Variants in RMST observed in about 807,000 individuals in gnomAD.
The protein encoded by RMST is rhabdomyosarcoma 2 associated transcript.
chr12:97,557,359 C>T (rs1198805873), intron 11 of RMST, among the ~76,000 whole-genome samples: 1 of 152,058 alleles, frequency 6.6e-6, no homozygotes, highest in Non-Finnish European at 1.5e-5. Flanking sequence ...TGTATGTCTG[C>T]ATGTATGTGT....
At chr12:97,529,008 C>T (rs914345023) in intron 10 of RMST, among the ~76,000 whole-genome samples, 2 of 151,952 alleles carry the variant, frequency 1.3e-5, no homozygotes, top group African/African-American at 2.4e-5. Context: ...TGACTCATTT[C>T]TTACTATCAG....
At chr12:97,478,958 G>T (rs139128688) in intron 5 of RMST, among the ~76,000 whole-genome samples, 2 of 151,886 alleles carry the variant, frequency 1.3e-5, no homozygotes, top group Non-Finnish European at 2.9e-5. Context: ...GTTGGCACTC[G>T]GGCACCAGTG....
chr12:97,474,356 G>A (rs11109049), intron 5 of RMST, among the ~76,000 whole-genome samples: 16,779 of 152,018 alleles, frequency 0.11, 1,090 homozygotes, highest in East Asian at 0.16. Flanking sequence ...AATGCCTTTC[G>A]TGCTCCCAAA....
At chr12:97,477,223 T>G (rs1593132841) in intron 5 of RMST, among the ~76,000 whole-genome samples, 1 of 152,042 alleles carries the variant, frequency 6.6e-6, no homozygotes, top group East Asian at 1.9e-4. Flanking sequence ...GCCAGCAATA[T>G]AAAATATCAA....
chr12:97,550,491 C>G (rs956745574), intron 11 of RMST, among the ~76,000 whole-genome samples: 2 of 152,122 alleles, frequency 1.3e-5, no homozygotes, highest in African/African-American at 2.4e-5. Flanking sequence ...AACAATCCAA[C>G]ATGAACTTGC....
At position 97,517,280 on chromosome 12, in the gene RMST, A is replaced by G. The variant is rs545713180; in HGVS notation, n.1341-13375A>G. 4.6e-5 allele frequency among the ~76,000 whole-genome samples: 7 copies of G among 152,024 alleles called. No homozygotes were observed. The South Asian group carries it at 1.0e-3, about 23-fold the overall frequency. ...CTTCACACCATCTTCAAGTGGCACT[A>G]TTTTCCCAAGTTATTTAAAATCTTG... is the stretch of plus-strand genomic sequence containing the variant. On this transcript the variant is annotated intron_variant and non_coding_transcript_variant, in intron 10 of 13. Coordinates refer to ENST00000640149, the Ensembl canonical transcript of RMST.
intron 13 of RMST, chr12:97,564,089 A>G: frequency 3.0e-6 from 1 of 333,958 alleles, no homozygotes; most frequent in South Asian, 2.5e-5. Context: ...ATTGATTAAC[A>G]TGCACATTTG....
chr12:97,502,117 G>GT lies in RMST; in HGVS notation n.1340+6062dup, dbSNP rs573655783. On this transcript the variant is annotated intron_variant and non_coding_transcript_variant, in intron 10 of 13. Transcript: ENST00000640149. ...AGGACTTTTTCTGCAATCAGTGGAG[G>GT]TAAAAATAGTGGCAGAAAGTAGAAA... is the stretch of plus-strand genomic sequence containing the variant. Among the ~76,000 whole-genome samples, 18 of 152,226 alleles carry GT rather than the reference G, an allele frequency of 1.2e-4. No individual in the cohort carries two copies. In the South Asian group the frequency reaches 3.5e-3, roughly 30 times the overall value.
intron 4 of RMST, chr12:97,465,603 T>G (rs745422956): frequency 6.6e-6 from 1 of 152,142 alleles, no homozygotes; most frequent in Non-Finnish European, 1.5e-5. Context: ...TCGAGTGAGA[T>G]TGTGGCTTTG....
At chr12:97,508,884 C>T (rs546273453) in intron 10 of RMST, among the ~76,000 whole-genome samples, 1 of 152,208 alleles carries the variant, frequency 6.6e-6, no homozygotes, top group African/African-American at 2.4e-5. Flanking sequence ...CTTTTTACTA[C>T]AATCGTGGAG....
intron 10 of RMST, among the ~76,000 whole-genome samples, chr12:97,523,598 A>G (rs1271319826): frequency 6.6e-6 from 1 of 152,248 alleles, no homozygotes; most frequent in Non-Finnish European, 1.5e-5. Context: ...TAGTTATTAC[A>G]TGTGAATTAA....
chr12:97,519,437 C>T (rs183454130), intron 10 of RMST, among the ~76,000 whole-genome samples: 4 of 152,298 alleles, frequency 2.6e-5, no homozygotes, highest in Non-Finnish European at 2.9e-5. Context: ...AAAGCTAATG[C>T]TTACCATTTG....
chr12:97,511,439 CTCTT>C (rs1879283538), intron 10 of RMST, among the ~76,000 whole-genome samples: 1 of 152,158 alleles, frequency 6.6e-6, no homozygotes, highest in African/African-American at 2.4e-5. Flanking sequence ...GCCTGTACTT[CTCTT>C]TATTAGAGCA....
chr12:97,481,354 G>A (rs560042836), intron 5 of RMST, among the ~76,000 whole-genome samples: 27 of 152,168 alleles, frequency 1.8e-4, no homozygotes, highest in African/African-American at 4.8e-4. Context: ...TCTGTTTCCA[G>A]AACAATCCTC....
intron 11 of RMST, among the ~76,000 whole-genome samples, chr12:97,544,856 T>A (rs889350379): frequency 9.9e-5 from 15 of 152,094 alleles, no homozygotes; most frequent in Admixed American, 2.6e-4. Context: ...ATGTATTTGT[T>A]ACCTAATATG....
chr12:97,478,993 C>T (rs1874888597), intron 5 of RMST, among the ~76,000 whole-genome samples: 1 of 152,068 alleles, frequency 6.6e-6, no homozygotes, highest in Admixed American at 6.6e-5. Context: ...TGCATCCATC[C>T]ATCCTCATGT....
At chr12:97,475,366 G>A (rs1874415785) in intron 5 of RMST, among the ~76,000 whole-genome samples, 1 of 152,146 alleles carries the variant, frequency 6.6e-6, no homozygotes, top group Admixed American at 6.6e-5. Flanking sequence ...GATCTTCTCA[G>A]CTGATGTCAC....
At chr12:97,465,940 C>T (rs1163542525) in intron 5 of RMST, among the ~76,000 whole-genome samples, 1 of 152,082 alleles carries the variant, frequency 6.6e-6, no homozygotes, top group Non-Finnish European at 1.5e-5. Flanking sequence ...CAGGTGCTCC[C>T]TCTGTTTCCC....
At chr12:97,547,517 GA>G in intron 11 of RMST, among the ~76,000 whole-genome samples, 1 of 152,010 alleles carries the variant, frequency 6.6e-6, no homozygotes, top group East Asian at 1.9e-4. Context: ...CCAATGGTGT[GA>G]GAGGACTCCC....
Sources: allele counts gnomAD v4.1 joint callset (sites outside exome capture counted in the v4.1 genomes callset), GRCh38; gene constraint gnomAD v4.1.1; transcripts MANE v1.5; gene names NCBI Gene and HGNC (gene_info 2026-07-23, HGNC 2026-07-21).